The following RAP1GAP2 variants were observed in gnomAD, a reference collection of about 807,000 sequenced individuals.
RAP1GAP2 encodes RAP1 GTPase activating protein 2, also known as rap1 GTPase-activating protein 2.
In RAP1GAP2, 27 loss-of-function variants were observed where a neutral mutation model predicts 95.0. That is an observed-to-expected ratio of 0.28 (90% CI 0.21 to 0.39). RAP1GAP2 has a LOEUF of 0.39. Among genes scored for constraint, RAP1GAP2 ranks in the 10% least tolerant of loss-of-function variants. The pLI, the probability that RAP1GAP2 is intolerant of heterozygous loss-of-function variation, is 1.00. For synonymous variants in RAP1GAP2, 373 were observed against 380.9 expected (o/e 0.98, Z 0.24); for missense variants, 771 against 970.0 (o/e 0.79, Z 2.72).
rs78076230 is a variant in RAP1GAP2 at position 2,984,469 on chromosome 17, C to T, written c.730-514C>T. Reference sequence around the variant, plus strand: ...CCAGGAGTCAGGTTTTAAACATTTCCTCTTTGCATATTGTATTAGGGTATG... The same window carrying T: ...CCAGGAGTCAGGTTTTAAACATTTCTTCTTTGCATATTGTATTAGGGTATG... On this transcript the variant is annotated intron_variant, in intron 10 of 24. Coordinates refer to ENST00000254695, the MANE Select transcript of RAP1GAP2 (RefSeq NM_015085.5). 3.9e-3 allele frequency among the ~76,000 whole-genome samples: 590 copies of T among 152,300 alleles called. 4 individuals carry two copies. The highest frequency in any genetic ancestry group is 0.017 in the Middle Eastern group (5 of 294).
intron 3 of RAP1GAP2, among the ~76,000 whole-genome samples, chr17:2,928,952 G>C (rs2043054108): frequency 6.6e-6 from 1 of 152,138 alleles, no homozygotes; most frequent in South Asian, 2.1e-4. Context: ...GTGGGGAGCT[G>C]TCTGGGTTCA....
chr17:2,888,337 A>G (rs1469555496), intron 2 of RAP1GAP2, among the ~76,000 whole-genome samples: 1 of 152,124 alleles, frequency 6.6e-6, no homozygotes, highest in Non-Finnish European at 1.5e-5. Flanking sequence ...AATTATGGTC[A>G]CCCTACAAGG....
At chr17:3,011,300 C>G (rs991821580) in intron 17 of RAP1GAP2, among the ~76,000 whole-genome samples, 4 of 152,168 alleles carry the variant, frequency 2.6e-5, no homozygotes, top group Non-Finnish European at 5.9e-5. Context: ...CGTCATTGCC[C>G]TCACATCTCC....
chr17:2,868,218 C>T (rs12603284), intron 2 of RAP1GAP2, among the ~76,000 whole-genome samples: 15,862 of 152,066 alleles, frequency 0.1, 1,777 homozygotes, highest in East Asian at 0.59. Flanking sequence ...CTTTTGGTTA[C>T]GAGGCCCTGG....
At chr17:3,032,338 G>C in intron 23 of RAP1GAP2, 73 bp from the exon 24 acceptor site, 1 of 1,576,098 alleles carries the variant, frequency 6.3e-7, no homozygotes, top group Non-Finnish European at 8.7e-7. Flanking sequence ...AGAGCTGAGT[G>C]CACAGAGCCG....
chr17:2,960,673 G>T (rs932385483), intron 4 of RAP1GAP2, among the ~76,000 whole-genome samples: 4 of 152,188 alleles, frequency 2.6e-5, no homozygotes, highest in Admixed American at 6.5e-5. Context: ...CAGTGTCCTC[G>T]CTGGTGGAAA....
At position 2,870,149 on chromosome 17, in the gene RAP1GAP2, G is replaced by A. The variant is rs1421231643; in HGVS notation, c.81-35135G>A. 6.1e-5 allele frequency among the ~76,000 whole-genome samples: 9 copies of A among 148,394 alleles called. No homozygotes were observed. The highest frequency in any genetic ancestry group is 2.1e-4 in the South Asian group (1 of 4,708). ...TTTTTTTTTTTGGAGATGGAGTCTC[G>A]CACTGTCACCCGGGCTGGAATGCAA... On this transcript the variant is annotated intron_variant, in intron 2 of 24. Coordinates refer to ENST00000254695, the MANE Select transcript of RAP1GAP2 (RefSeq NM_015085.5). The surrounding 1 kb of genome is among the most constrained non-coding windows in gnomAD (Gnocchi z 4.4).
intron 13 of RAP1GAP2, among the ~76,000 whole-genome samples, chr17:2,997,679 T>C (rs1437663791): frequency 6.6e-6 from 1 of 151,936 alleles, no homozygotes; most frequent in East Asian, 1.9e-4. Flanking sequence ...ATGCCTATCA[T>C]CCCAGCACTT....
chr17:3,003,223 C>T lies in RAP1GAP2; in HGVS notation c.1201-2146C>T, dbSNP rs2046223092. 6.6e-6 allele frequency among the ~76,000 whole-genome samples: 1 copy of T among 152,108 alleles called. No individual in the cohort carries two copies. On this transcript the variant is annotated intron_variant, in intron 14 of 24. Coordinates refer to ENST00000254695, the MANE Select transcript of RAP1GAP2 (RefSeq NM_015085.5). The surrounding 1 kb of genome is among the most constrained non-coding windows in gnomAD (Gnocchi z 4.1). ...TCTGCTTGCGGTCTTGGTCATTGAG[C>T]CATCAGAGCAGGCGAGAAATTGGCT...
intron 8 of RAP1GAP2, among the ~76,000 whole-genome samples, chr17:2,966,808 A>G (rs1295155143): frequency 6.6e-6 from 1 of 152,196 alleles, no homozygotes; most frequent in Admixed American, 6.5e-5. Context: ...TGTGAAGAAA[A>G]TTGCTACCTT....
chr17:2,773,797 G>A (rs1013753165), upstream of RAP1GAP2, among the ~76,000 whole-genome samples: 23 of 150,746 alleles, frequency 1.5e-4, no homozygotes, highest in African/African-American at 5.6e-4. Flanking sequence ...CACTCTTGTC[G>A]CCCAGGCTGG....
At chr17:2,789,996 G>C (rs908300970) in intron 1 of RAP1GAP2, among the ~76,000 whole-genome samples, 1 of 152,072 alleles carries the variant, frequency 6.6e-6, no homozygotes, top group Non-Finnish European at 1.5e-5. Context: ...GCAGATGCTA[G>C]GTGCTGTTTT....
upstream of RAP1GAP2, chr17:2,777,015 C>T (rs1446441347): frequency 6.6e-6 from 1 of 152,312 alleles, no homozygotes; most frequent in African/African-American, 2.4e-5. Flanking sequence ...GTGTGACTGA[C>T]GGGGAATCGG....
chr17:3,030,917 C>A lies in RAP1GAP2; in HGVS notation c.2108-5C>A. 6.3e-7 allele frequency: 1 copy of A among 1,599,762 alleles called. No homozygotes were observed. Among genetic ancestry groups the A allele is most frequent in the Non-Finnish European group, 8.5e-7 (1 of 1,172,638 alleles). ...CCCTCCTTTCATGGCCGTTCTTTTT[C>A]TTAGATGCCAAAAGCAGAAACTCCC... On this transcript the variant is annotated splice_region_variant and splice_polypyrimidine_tract_variant and intron_variant, in intron 22 of 24. Coordinates refer to ENST00000254695, the MANE Select transcript of RAP1GAP2 (RefSeq NM_015085.5).
Position 2,904,064 on chromosome 17 carries a change from C to T in RAP1GAP2, c.81-1220C>T, listed in dbSNP as rs1273573337. Among the ~76,000 whole-genome samples the T allele has an allele frequency of 6.6e-6, 1 of 152,202 alleles. No homozygotes were observed. The highest frequency in any genetic ancestry group is 2.4e-5 in the African/African-American group (1 of 41,438). On this transcript the variant is annotated intron_variant, in intron 2 of 24. Coordinates refer to ENST00000254695, the MANE Select transcript of RAP1GAP2 (RefSeq NM_015085.5). The surrounding 1 kb of genome is among the most constrained non-coding windows in gnomAD (Gnocchi z 4.7). ...GACCTGGGGGTTGGGCTGACTCTCT[C>T]TGCTGCTTCAGAGCGGGGCTGTAGA...
At chr17:2,886,244 C>T (rs915852333) in intron 2 of RAP1GAP2, among the ~76,000 whole-genome samples, 1 of 150,158 alleles carries the variant, frequency 6.7e-6, no homozygotes, top group Admixed American at 6.7e-5. Context: ...GCGATCTCAG[C>T]TCACTGCAAC....
chr17:2,850,612 T>C (rs2071797971), intron 2 of RAP1GAP2, among the ~76,000 whole-genome samples: 1 of 142,560 alleles, frequency 7.0e-6, no homozygotes. Context: ...TAGCCGGGCA[T>C]GGTGGCGGGC....
chr17:2,840,757 G>A (rs970674893), intron 2 of RAP1GAP2, among the ~76,000 whole-genome samples: 1 of 152,156 alleles, frequency 6.6e-6, no homozygotes, highest in South Asian at 2.1e-4. Context: ...CAGCACTTTG[G>A]GAGGCTGAAG....
At chr17:2,967,797 G>C (rs989150259) in intron 8 of RAP1GAP2, among the ~76,000 whole-genome samples, 3 of 152,190 alleles carry the variant, frequency 2.0e-5, no homozygotes, top group Non-Finnish European at 4.4e-5. Context: ...GGTGACTACT[G>C]TCCAAACTTC....
Sources: allele counts gnomAD v4.1 joint callset (sites outside exome capture counted in the v4.1 genomes callset), GRCh38; gene constraint gnomAD v4.1.1; non-coding constraint Gnocchi (gnomAD v3.1); transcripts MANE v1.5; gene names NCBI Gene and HGNC (gene_info 2026-07-23, HGNC 2026-07-21).